Variants in COQ9 observed in about 807,000 individuals in gnomAD.
The protein encoded by COQ9 is coenzyme Q9.
In COQ9, 35 loss-of-function variants were observed where a neutral mutation model predicts 42.4. The observed-to-expected ratio is 0.83, with a 90% CI of 0.63 to 1.10. The LOEUF (loss-of-function observed/expected upper bound fraction) is 1.10, where lower values mean the gene tolerates loss of function less well. COQ9 is among the 50% of genes least tolerant of loss of function. COQ9 has a pLI of 0.00. For synonymous variants in COQ9, 155 were observed against 155.1 expected (o/e 1.00, Z 0.00); for missense variants, 406 against 414.6 (o/e 0.98, Z 0.18).
At position 57,451,637 on chromosome 16, in the gene COQ9, C is replaced by G. The variant is rs190781198; in HGVS notation, c.242+429C>G. Reference sequence around the variant, plus strand: ...TGTGAATATCCTTTTAGATGTTTCTCTAAGCTTATTTCATATGTAAATTTT... The same window carrying G: ...TGTGAATATCCTTTTAGATGTTTCTGTAAGCTTATTTCATATGTAAATTTT... On this transcript the variant is annotated intron_variant, in intron 2 of 8. Coordinates refer to ENST00000262507, the MANE Select transcript of COQ9 (RefSeq NM_020312.4). 9.5e-3 allele frequency among the ~76,000 whole-genome samples: 1,440 copies of G among 152,316 alleles called. 17 individuals are homozygous for G. The highest frequency in any genetic ancestry group is 0.054 in the Middle Eastern group (16 of 294).
At chr16:57,447,614 C>T (rs2030156189) in intron 1 of COQ9, 36 bp downstream of exon 1, 2 of 1,239,030 alleles carry the variant, frequency 1.6e-6, no homozygotes, top group Non-Finnish European at 2.0e-6. Flanking sequence ...AGGCGGGGAG[C>T]GCGGAGGGGG....
chr16:57,458,781 A>G (rs766541180), intron 6 of COQ9, among the ~76,000 whole-genome samples: 1 of 152,208 alleles, frequency 6.6e-6, no homozygotes, highest in Non-Finnish European at 1.5e-5. Flanking sequence ...CTAAGTGATC[A>G]ATAAGGCTCT....
At position 57,460,937 on chromosome 16, in the gene COQ9, C is replaced by T. The variant is rs2030522403; in HGVS notation, c.*313C>T. On this transcript the variant is annotated 3_prime_UTR_variant, in exon 9 of 9. Coordinates refer to ENST00000262507, the MANE Select transcript of COQ9 (RefSeq NM_020312.4). ...CCACAGAAACCCAGCATGTCCCTGT[C>T]ACAATCTCATGGGCACCTTGATCAT... 1 of 403,320 alleles carries T rather than the reference C, an allele frequency of 2.5e-6. No homozygotes were observed. Among genetic ancestry groups the T allele is most frequent in the Non-Finnish European group, 4.7e-6 (1 of 211,994 alleles). The allele number at this position is 403,320 out of a possible 1,614,324, so 25.0% of individuals were successfully genotyped here.
chr16:57,449,511 G>A (rs2030233602), intron 1 of COQ9, among the ~76,000 whole-genome samples: 2 of 152,128 alleles, frequency 1.3e-5, no homozygotes, highest in African/African-American at 4.8e-5. Flanking sequence ...GTCCAGGTGT[G>A]GTGGCTCACA....
At chr16:57,454,380 GCA>G (rs1226138670) in intron 3 of COQ9, 1 of 152,248 alleles carries the variant, frequency 6.6e-6, no homozygotes, top group African/African-American at 2.4e-5. Flanking sequence ...GGAGGGCTGG[GCA>G]CAGTCGCGCA....
chr16:57,456,719 A>G (rs1266484948), intron 4 of COQ9, 73 bp downstream of exon 4: 5 of 1,554,878 alleles, frequency 3.2e-6, no homozygotes, highest in African/African-American at 1.4e-5. Context: ...AGCTATGCCC[A>G]GGAGGCCAAT....
intron 5 of COQ9, 160 bp downstream of exon 5, chr16:57,457,175 A>G: frequency 1.4e-6 from 1 of 708,846 alleles, no homozygotes; most frequent in South Asian, 1.5e-5. Context: ...TGGGTTTCAA[A>G]CTTGGACATA....
At chr16:57,454,843 C>T (rs1246227944) in intron 3 of COQ9, among the ~76,000 whole-genome samples, 3 of 151,948 alleles carry the variant, frequency 2.0e-5, no homozygotes, top group African/African-American at 7.3e-5. Context: ...AACCACCATG[C>T]AGAGAGTGCA....
intron 6 of COQ9, 40 bp downstream of exon 6, chr16:57,458,390 C>T: frequency 7.0e-7 from 1 of 1,420,408 alleles, no homozygotes; most frequent in East Asian, 2.4e-5. Flanking sequence ...CTGGGAAAGG[C>T]TTGTGTTAAG....
intron 4 of COQ9, 117 bp from the exon 5 acceptor site, chr16:57,456,814 T>C (rs1045139443): frequency 2.2e-4 from 277 of 1,282,384 alleles, no homozygotes; most frequent in South Asian, 4.8e-4. Context: ...CTGACGGCTT[T>C]AGTCAGGCCA....
intron 2 of COQ9, among the ~76,000 whole-genome samples, chr16:57,451,937 A>G (rs1032313130): frequency 6.6e-6 from 1 of 152,204 alleles, no homozygotes; most frequent in Non-Finnish European, 1.5e-5. Flanking sequence ...TTTTTTACTT[A>G]TGTGGGCCAG....
In COQ9 at chr16:57,458,281, G is replaced by A. The variant is rs374294033; in HGVS notation, c.642G>A (p.Pro214=). The A allele has an allele frequency of 3.2e-5, 52 of 1,612,498 alleles. No individual in the cohort carries two copies. The highest frequency in any genetic ancestry group is 1.6e-4 in the Middle Eastern group (1 of 6,082). Residue 214 remains proline, a synonymous_variant, in exon 6 of 9, where the codon CCG becomes CCA. Transcript: ENST00000262507. ...TCCTCATGCTCCCTCACAACATCCC[G>A]TCCAGCCTGAGCCTGCTCACCAGCA... is the stretch of plus-strand genomic sequence containing the variant. ...LSILMLPHNI[P]SSLSLLTSMV...
At chr16:57,457,775 G>C (rs1357439410) in intron 5 of COQ9, among the ~76,000 whole-genome samples, 1 of 152,096 alleles carries the variant, frequency 6.6e-6, no homozygotes, top group Non-Finnish European at 1.5e-5. Flanking sequence ...TTTTCTTCTG[G>C]GCTGCTTCAC....
chr16:57,451,467 C>G (rs1353567078), intron 2 of COQ9, among the ~76,000 whole-genome samples: 1 of 152,218 alleles, frequency 6.6e-6, no homozygotes, highest in Admixed American at 6.5e-5. Context: ...CCACTGCACC[C>G]AGCCACAAGG....
At chr16:57,453,234 G>C in intron 3 of COQ9, 1 of 472,728 alleles carries the variant, frequency 2.1e-6, no homozygotes. Context: ...GTTGTAAGAA[G>C]CATCATTTTT....
rs2030531701 is a variant in COQ9, at chr16:57,461,250, A to G, written c.*626A>G. 4.6e-6 allele frequency: 2 copies of G among 431,370 alleles called. No individual in the cohort carries two copies. The highest frequency in any genetic ancestry group is 2.6e-5 in the Admixed American group (1 of 39,196). The allele number at this position is 431,370 out of a possible 1,614,324, so 26.7% of individuals were successfully genotyped here. A position where few individuals can be genotyped will look rare whatever the true frequency, so the allele number is the denominator to read the frequency against. On this transcript the variant is annotated 3_prime_UTR_variant, in exon 9 of 9. Transcript: ENST00000262507. The stretch of plus-strand genomic sequence containing the variant: ...AGTGTATTTTGAGTCTGTAAAAATA[A>G]TAAATATGTTTGAAGTAGTTTCCCA...
intron 3 of COQ9, among the ~76,000 whole-genome samples, chr16:57,455,194 G>A (rs1344422289): frequency 6.6e-6 from 1 of 151,944 alleles, no homozygotes; most frequent in African/African-American, 2.4e-5. Flanking sequence ...CCCAATGGTG[G>A]TGTTTTCTAA....
At chr16:57,452,066 T>A (rs1446896164) in intron 2 of COQ9, among the ~76,000 whole-genome samples, 1 of 152,232 alleles carries the variant, frequency 6.6e-6, no homozygotes, top group Non-Finnish European at 1.5e-5. Context: ...TTTTTCTGAT[T>A]TCCTAACTAA....
At position 57,458,369 on chromosome 16, in the gene COQ9, C is replaced by A. The variant is rs756377653; in HGVS notation, c.711+19C>A. On this transcript the variant is annotated intron_variant, in intron 6 of 8. Coordinates refer to ENST00000262507, the MANE Select transcript of COQ9 (RefSeq NM_020312.4). The stretch of plus-strand genomic sequence containing the variant: ...CACTGATGTGAGTGCTTTCTGCAGG[C>A]CCACAGGAGGCTGGGAAAGGCTTGT... 1.9e-6 allele frequency: 3 copies of A among 1,543,270 alleles called. No individual in the cohort carries two copies. The highest frequency in any genetic ancestry group is 2.3e-5 in the South Asian group (2 of 88,062).
Sources: gnomAD v4.1 joint callset for allele counts (sites outside exome capture counted in the v4.1 genomes callset) on GRCh38, gnomAD v4.1.1 for gene constraint, MANE v1.5 for transcripts, NCBI Gene and HGNC (gene_info 2026-07-23, HGNC 2026-07-21) for gene names.